The following SAMTOR variants were observed in gnomAD, a reference collection of about 807,000 sequenced individuals.
SAMTOR encodes the protein S-adenosylmethionine sensor upstream of mTORC1, also known as UPF0532 protein C7orf60.
the SAMTOR span, among the ~76,000 whole-genome samples, chr7:112,858,872 C>G: frequency 6.6e-6 from 1 of 152,218 alleles, no homozygotes; most frequent in African/African-American, 2.4e-5. Flanking sequence ...AATGACACTT[C>G]AGACCCTGTG....
chr7:112,907,301 C>T, the SAMTOR span, among the ~76,000 whole-genome samples: 1 of 151,978 alleles, frequency 6.6e-6, no homozygotes, highest in Non-Finnish European at 1.5e-5. Context: ...AAAATTAGAT[C>T]AATACTTCAC....
the SAMTOR span, among the ~76,000 whole-genome samples, chr7:112,871,743 C>T: frequency 2.6e-5 from 4 of 152,204 alleles, no homozygotes; most frequent in Non-Finnish European, 4.4e-5. Context: ...TGACAGACCA[C>T]TAGTTAAACA....
chr7:112,928,366 G>A, the SAMTOR span, among the ~76,000 whole-genome samples: 2 of 151,700 alleles, frequency 1.3e-5, no homozygotes, highest in Non-Finnish European at 3.0e-5. Flanking sequence ...TCTTCAAGAG[G>A]GTTTATCTGC....
At chr7:112,856,139 A>AT in the SAMTOR span, among the ~76,000 whole-genome samples, 4 of 152,218 alleles carry the variant, frequency 2.6e-5, no homozygotes, top group African/African-American at 7.2e-5. Context: ...AATGAATGTC[A>AT]TTTTGATTGG....
chr7:112,835,983 T>A, the SAMTOR span, among the ~76,000 whole-genome samples: 625 of 152,248 alleles, frequency 4.1e-3, 3 homozygotes, highest in African/African-American at 0.014. Flanking sequence ...TGATTTATAG[T>A]CCCTTGGGTG....
the SAMTOR span, among the ~76,000 whole-genome samples, chr7:112,902,438 AC>A: frequency 0.038 from 3,511 of 92,318 alleles, 664 homozygotes; most frequent in Middle Eastern, 0.053. Flanking sequence ...ACAAAAAAAA[AC>A]AAAAAAAAAC....
At chr7:112,887,167 A>C in the SAMTOR span, among the ~76,000 whole-genome samples, 4 of 151,786 alleles carry the variant, frequency 2.6e-5, no homozygotes, top group Admixed American at 2.0e-4. Flanking sequence ...GCGAGACTCC[A>C]TCTCAAAATA....
At chr7:112,906,809 A>C in the SAMTOR span, among the ~76,000 whole-genome samples, 3 of 152,046 alleles carry the variant, frequency 2.0e-5, no homozygotes, top group Non-Finnish European at 4.4e-5. Flanking sequence ...TGACCTTGTG[A>C]TCTGCCCACC....
chr7:112,911,587 A>G, the SAMTOR span, among the ~76,000 whole-genome samples: 1 of 152,158 alleles, frequency 6.6e-6, no homozygotes, highest in African/African-American at 2.4e-5. Flanking sequence ...TAGCCAAAAG[A>G]AACAGACCCA....
At chr7:112,892,205 G>A in the SAMTOR span, among the ~76,000 whole-genome samples, 1 of 152,102 alleles carries the variant, frequency 6.6e-6, no homozygotes, top group Non-Finnish European at 1.5e-5. Flanking sequence ...GTTTTATCAT[G>A]AAATTGCAGC....
chr7:112,885,454 C>T, the SAMTOR span, among the ~76,000 whole-genome samples: 1 of 152,144 alleles, frequency 6.6e-6, no homozygotes, highest in Non-Finnish European at 1.5e-5. Context: ...AAATTTCTTC[C>T]ACCAGATACC....
chr7:112,866,546 G>A, the SAMTOR span, among the ~76,000 whole-genome samples: 1 of 152,210 alleles, frequency 6.6e-6, no homozygotes, highest in Non-Finnish European at 1.5e-5. Flanking sequence ...GGAAGGAAGG[G>A]CGTGAGTTCT....
the SAMTOR span, among the ~76,000 whole-genome samples, chr7:112,831,580 G>A: frequency 3.3e-5 from 5 of 152,060 alleles, no homozygotes; most frequent in African/African-American, 1.2e-4. Flanking sequence ...ACTGGAACCC[G>A]GGAGGCATAA....
the SAMTOR span, among the ~76,000 whole-genome samples, chr7:112,914,741 T>C: frequency 2.6e-5 from 4 of 152,198 alleles, no homozygotes; most frequent in Non-Finnish European, 5.9e-5. Context: ...ATGTATTGTA[T>C]GTATTAAATG....
At chr7:112,886,127 G>A in the SAMTOR span, among the ~76,000 whole-genome samples, 9 of 152,038 alleles carry the variant, frequency 5.9e-5, no homozygotes, top group Non-Finnish European at 1.2e-4. Flanking sequence ...TGAGAACAAC[G>A]GCATGGGGGT....
chr7:112,886,881 A>G, the SAMTOR span, among the ~76,000 whole-genome samples: 1 of 152,176 alleles, frequency 6.6e-6, no homozygotes, highest in Admixed American at 6.6e-5. Flanking sequence ...AAAAGATCAT[A>G]CTGGGCCAGG....
the SAMTOR span, among the ~76,000 whole-genome samples, chr7:112,929,724 G>A: frequency 1.6e-4 from 25 of 152,092 alleles, no homozygotes; most frequent in African/African-American, 5.8e-4. Context: ...TGAGAGTATA[G>A]AGAGAGACCG....
At chr7:112,848,315 G>T in the SAMTOR span, among the ~76,000 whole-genome samples, 1 of 152,098 alleles carries the variant, frequency 6.6e-6, no homozygotes, top group Non-Finnish European at 1.5e-5. Flanking sequence ...AGTACCTTTA[G>T]CATCATTAAA....
At chr7:112,878,379 T>C in the SAMTOR span, among the ~76,000 whole-genome samples, 1 of 152,184 alleles carries the variant, frequency 6.6e-6, no homozygotes, top group Non-Finnish European at 1.5e-5. Context: ...TGTTTTAGTA[T>C]GAATATAAAA....
Sources: allele counts gnomAD v4.1 joint callset (sites outside exome capture counted in the v4.1 genomes callset), GRCh38; gene constraint gnomAD v4.1.1; transcripts MANE v1.5; gene names NCBI Gene and HGNC (gene_info 2026-07-23, HGNC 2026-07-21).